AGBL4: variants seen among roughly 807,000 people sequenced by gnomAD.
The protein encoded by AGBL4 is cytosolic carboxypeptidase 6.
Under a neutral mutation model 66.4 loss-of-function variants are expected in AGBL4, and 58 were observed. That is an observed-to-expected ratio of 0.87 (90% CI 0.71 to 1.09). AGBL4 has a LOEUF of 1.09. AGBL4 is among the 50% of genes least tolerant of loss of function. The pLI is 0.00. For missense variants in AGBL4, 579 were observed against 631.0 expected (o/e 0.92, Z 0.88); for synonymous variants, 234 against 222.9 (o/e 1.05, Z -0.44).
chr1:49,481,181 T>C (rs1373891512), intron 3 of AGBL4, among the ~76,000 whole-genome samples: 1 of 152,108 alleles, frequency 6.6e-6, no homozygotes, highest in Non-Finnish European at 1.5e-5. Flanking sequence ...TCAGTGGTAG[T>C]GTAATGGGAA....
intron 9 of AGBL4, chr1:48,634,173 A>G (rs144011964): frequency 5.6e-4 from 98 of 174,444 alleles, no homozygotes; most frequent in Admixed American, 3.0e-3. Flanking sequence ...TAAATTCTCT[A>G]TTTTTCTTAT....
intron 8 of AGBL4, among the ~76,000 whole-genome samples, chr1:48,638,959 A>G (rs929025497): frequency 2.0e-5 from 3 of 152,162 alleles, no homozygotes; most frequent in African/African-American, 7.2e-5. Context: ...AGGCTACATA[A>G]CAAGTACTCT....
At chr1:49,731,342 A>C (rs1649431254) in intron 2 of AGBL4, among the ~76,000 whole-genome samples, 1 of 152,226 alleles carries the variant, frequency 6.6e-6, no homozygotes, top group Non-Finnish European at 1.5e-5. Context: ...CCTTGTGAAC[A>C]GTCCCAGAAT....
At chr1:49,796,166 T>C (rs1644724843) in intron 2 of AGBL4, among the ~76,000 whole-genome samples, 2 of 151,850 alleles carry the variant, frequency 1.3e-5, no homozygotes, top group African/African-American at 4.8e-5. Flanking sequence ...ACAAATACAT[T>C]AAAATAAGTT....
chr1:48,824,113 C>G (rs1045601855), intron 6 of AGBL4, among the ~76,000 whole-genome samples: 1 of 152,160 alleles, frequency 6.6e-6, no homozygotes, highest in Non-Finnish European at 1.5e-5. Flanking sequence ...TTTCTTCCTT[C>G]TTTTCCTCTG....
At chr1:49,328,617 C>T (rs1354447163) in intron 3 of AGBL4, among the ~76,000 whole-genome samples, 2 of 152,186 alleles carry the variant, frequency 1.3e-5, no homozygotes, top group East Asian at 3.8e-4. Context: ...CTTCAACTAT[C>T]CATTAACAAT....
chr1:48,825,010 G>A (rs1366033336), intron 6 of AGBL4, among the ~76,000 whole-genome samples: 3 of 152,204 alleles, frequency 2.0e-5, no homozygotes, highest in African/African-American at 7.2e-5. Context: ...AGGATTTAAT[G>A]TGAAGATGTA....
intron 4 of AGBL4, among the ~76,000 whole-genome samples, chr1:49,184,961 A>T (rs1646989897): frequency 6.6e-6 from 1 of 152,148 alleles, no homozygotes; most frequent in Admixed American, 6.6e-5. Flanking sequence ...TCTCCCCTTT[A>T]TCTCCTTCTG....
intron 4 of AGBL4, among the ~76,000 whole-genome samples, chr1:49,179,341 A>G (rs1014571677): frequency 2.0e-5 from 3 of 152,130 alleles, no homozygotes; most frequent in African/African-American, 7.2e-5. Context: ...GTAATGAATT[A>G]TATATAGGGG....
At chr1:49,921,262 C>A (rs1341215256) in intron 1 of AGBL4, among the ~76,000 whole-genome samples, 3 of 150,566 alleles carry the variant, frequency 2.0e-5, no homozygotes, top group Non-Finnish European at 3.0e-5. Flanking sequence ...GAAAAAAAAA[C>A]AAACAAACAA....
At chr1:49,945,994 C>A (rs532317145) in intron 1 of AGBL4, among the ~76,000 whole-genome samples, 1 of 151,876 alleles carries the variant, frequency 6.6e-6, no homozygotes, top group African/African-American at 2.4e-5. Context: ...AGGCCTTGTC[C>A]AACAGGAAAA....
intron 1 of AGBL4, chr1:50,017,124 C>A (rs772843451): frequency 1.3e-5 from 2 of 151,962 alleles, no homozygotes. Flanking sequence ...AAGCCATCAG[C>A]AAATATTTCT....
chr1:49,549,602 T>C (rs1244101667), intron 3 of AGBL4, among the ~76,000 whole-genome samples: 5 of 152,206 alleles, frequency 3.3e-5, no homozygotes, highest in Non-Finnish European at 5.9e-5. Context: ...AAGCTTCCTT[T>C]TGGAGTTGAT....
intron 1 of AGBL4, among the ~76,000 whole-genome samples, chr1:49,951,429 T>G (rs185742391): frequency 8.6e-5 from 13 of 151,928 alleles, no homozygotes; most frequent in Non-Finnish European, 1.5e-4. Context: ...AAAACACAAC[T>G]TTGCACAAAA....
intron 3 of AGBL4, among the ~76,000 whole-genome samples, chr1:49,577,136 T>G (rs1326120465): frequency 6.6e-6 from 1 of 152,250 alleles, no homozygotes; most frequent in Non-Finnish European, 1.5e-5. Flanking sequence ...TGGATGGACA[T>G]TTCTACATGG....
intron 8 of AGBL4, among the ~76,000 whole-genome samples, chr1:48,652,854 G>A (rs1300995177): frequency 6.6e-6 from 1 of 152,152 alleles, no homozygotes; most frequent in Admixed American, 6.5e-5. Flanking sequence ...TTTTTCAGAT[G>A]ACCTGGGATT....
rs1322456325 is a variant in AGBL4, at chr1:49,791,197, A to G, written c.157+60199T>C. Among the ~76,000 whole-genome samples the G allele has an allele frequency of 4.6e-5, 7 of 152,260 alleles. No individual in the cohort carries two copies. The East Asian group carries it at 1.3e-3, about 29-fold the overall frequency. On this transcript the variant is annotated intron_variant, in intron 2 of 13. Transcript: ENST00000371839. ...CATGCATATTGTTAGCCCTAGAGCA[A>G]CTGCGATAAATGAATGAATGAATGT...
intron 1 of AGBL4, among the ~76,000 whole-genome samples, chr1:49,923,737 A>C (rs1016719710): frequency 3.3e-5 from 5 of 152,232 alleles, no homozygotes; most frequent in Admixed American, 2.0e-4. Flanking sequence ...TGTTCACTGG[A>C]AAAATGCAAA....
chr1:48,776,728 T>C (rs1389100051), intron 6 of AGBL4: 3 of 1,528,246 alleles, frequency 2.0e-6, no homozygotes, highest in Non-Finnish European at 2.6e-6. Context: ...GTACACCTTC[T>C]GGTTGTCAAA....
Sources: gnomAD v4.1 joint callset for allele counts (sites outside exome capture counted in the v4.1 genomes callset) on GRCh38, gnomAD v4.1.1 for gene constraint, MANE v1.5 for transcripts, NCBI Gene and HGNC (gene_info 2026-07-23, HGNC 2026-07-21) for gene names.